Variants in DLL1 observed in about 807,000 individuals in gnomAD.
DLL1 encodes the protein delta-like protein 1.
In DLL1, 9 loss-of-function variants were observed where a neutral mutation model predicts 75.1. The ratio of observed to expected loss-of-function variants is 0.12; its 90% CI spans 0.07 to 0.21. The LOEUF is 0.21. Among genes scored for constraint, DLL1 ranks in the 10% least tolerant of loss-of-function variants. DLL1 has a pLI of 1.00. For missense variants in DLL1, 837 were observed against 1,007.6 expected (o/e 0.83, Z 2.29); for synonymous variants, 477 against 418.3 (o/e 1.14, Z -1.71).
At chr6:170,286,751 C>T (rs1039091818) in intron 4 of DLL1, among the ~76,000 whole-genome samples, 6 of 152,040 alleles carry the variant, frequency 3.9e-5, no homozygotes, top group East Asian at 3.9e-4. Flanking sequence ...GCAACAATGC[C>T]GGCCTCCCCC....
intron 5 of DLL1, 31 bp from the exon 6 acceptor site, chr6:170,285,730 G>C: frequency 6.8e-6 from 11 of 1,613,912 alleles, no homozygotes; most frequent in Non-Finnish European, 9.3e-6. Flanking sequence ...TCAGATGGAC[G>C]TTGACTGTTG....
intron 8 of DLL1, 27 bp from the exon 9 acceptor site, chr6:170,284,056 G>A (rs772284787): frequency 1.3e-4 from 203 of 1,543,066 alleles, no homozygotes; most frequent in Middle Eastern, 2.3e-4. Flanking sequence ...TGAACATCAC[G>A]TGTCTCCTCG....
Position 170,283,022 on chromosome 6 carries a change from G to C in DLL1, c.2132C>G (p.Ser711Cys). 1 of 1,614,128 alleles carries C rather than the reference G, an allele frequency of 6.2e-7. No individual in the cohort carries two copies. Among genetic ancestry groups the C allele is most frequent in the Non-Finnish European group, 8.5e-7 (1 of 1,180,034 alleles). The change falls in exon 10 of 11, where the codon TCC (serine) becomes TGC (cysteine). Residue 711 changes from serine (S) to cysteine (C), a missense_variant. Coordinates refer to ENST00000366756, the MANE Select transcript of DLL1 (RefSeq NM_005618.4). ...TATGACGCACTCATCCTTCTCCTCG[G>C]ATATGACGTACACCGACTGGTACTT... ...DTKYQSVYVISEEKDECVIAT... is the reference protein window; with the variant it reads ...DTKYQSVYVICEEKDECVIAT...
rs1379449472 is a variant in DLL1, at chr6:170,285,763, C to T, written c.732-64G>A. On this transcript the variant is annotated intron_variant, in intron 5 of 10. Transcript: ENST00000366756. The stretch of plus-strand genomic sequence containing the variant: ...TTGCTGGCTTTGCAGTGGACATTCT[C>T]ACCCTAGAAACCATCTTCCCGCAGC... 3 of 1,606,518 alleles carry T rather than the reference C, an allele frequency of 1.9e-6. No individual in the cohort carries two copies. In the African/African-American group the frequency reaches 4.0e-5, roughly 21 times the overall value.
chr6:170,283,165 G>A (rs148877197), intron 9 of DLL1, 60 bp from the exon 10 acceptor site: 32 of 1,613,306 alleles, frequency 2.0e-5, no homozygotes, highest in East Asian at 1.6e-4. Context: ...GAAGAGAAAC[G>A]GAGCAGTGGT....
intron 4 of DLL1, among the ~76,000 whole-genome samples, chr6:170,287,884 C>T (rs1783738429): frequency 6.6e-6 from 1 of 152,208 alleles, no homozygotes; most frequent in Non-Finnish European, 1.5e-5. Flanking sequence ...GACACACAAG[C>T]TCTCTCTGTG....
chr6:170,288,300 G>A lies in DLL1; in HGVS notation c.609C>T (p.Thr203=), dbSNP rs1301852205. The A allele has an allele frequency of 6.2e-7, 1 of 1,614,094 alleles. No individual in the cohort carries two copies. The highest frequency in any genetic ancestry group is 8.5e-7 in the Non-Finnish European group (1 of 1,180,044). ...RPRDDAFGHF[T]CGERGEKVCN... is the part of the protein sequence containing the mutation. ...ACACTTTCTCCCCACGCTCCCCACA[G>A]GTGAAGTGGCCGAAGGCATCGTCCC... Residue 203 remains threonine, a synonymous_variant, in exon 4 of 11, where the codon ACC becomes ACT. Coordinates refer to ENST00000366756, the MANE Select transcript of DLL1 (RefSeq NM_005618.4).
At position 170,285,329 on chromosome 6, in the gene DLL1, C is replaced by T. The variant is rs1427747219; in HGVS notation, c.957G>A (p.Gly319=). ...CCAGCTCGCAGGTGGCACCTGTGTACCCAGGCCGGCAAGAGCAAGTGTAGC... is the reference window on the plus strand; with the variant it reads ...CCAGCTCGCAGGTGGCACCTGTGTATCCAGGCCGGCAAGAGCAAGTGTAGC... ...QGSYTCSCRP[G]YTGATCELGI... Residue 319 remains glycine (G), a synonymous_variant, in exon 7 of 11, where the codon GGG becomes GGA. Transcript: ENST00000366756. The T allele has an allele frequency of 6.2e-7, 1 of 1,614,168 alleles. No individual in the cohort carries two copies. Among genetic ancestry groups the T allele is most frequent in the African/African-American group, 1.3e-5 (1 of 75,044 alleles).
intron 3 of DLL1, 70 bp downstream of exon 3, chr6:170,288,659 G>C: frequency 4.3e-6 from 7 of 1,610,244 alleles, no homozygotes; most frequent in Non-Finnish European, 6.0e-6. Context: ...GTTTGGCTGG[G>C]GGATGGGTGG....
In DLL1 at chr6:170,282,886, G is replaced by A. The variant is rs374745563; in HGVS notation, c.2167-7C>T. The A allele has an allele frequency of 2.3e-5, 37 of 1,614,036 alleles. No homozygotes were observed. The highest frequency in any genetic ancestry group is 1.7e-4 in the Middle Eastern group (1 of 6,058). On this transcript the variant is annotated splice_polypyrimidine_tract_variant and splice_region_variant and intron_variant, in intron 10 of 10. Coordinates refer to ENST00000366756, the MANE Select transcript of DLL1 (RefSeq NM_005618.4). ...TCTCACTTCCATTTTACACCTGGGG[G>A]GCCACAAGACAAATGGGAAGTTAGC...
Position 170,283,724 on chromosome 6 carries a change from G to A in DLL1, c.1555C>T (p.Leu519=), listed in dbSNP as rs1397932579. 26 of 1,553,476 alleles carry A rather than the reference G, an allele frequency of 1.7e-5. No individual in the cohort carries two copies. The highest frequency in any genetic ancestry group is 2.3e-5 in the Non-Finnish European group (26 of 1,149,522). The change falls in exon 9 of 11, where the codon CTG becomes TTG. Residue 519 remains leucine, a synonymous_variant. Coordinates refer to ENST00000366756, the MANE Select transcript of DLL1 (RefSeq NM_005618.4). The part of the protein sequence containing the change: ...RGYGGPNCQF[L]LPELPPGPAV... ...GGGCCCGGGGGCAGCTCGGGGAGCA[G>A]GAACTGGCAGTTGGGACCCCCGTAG...
rs934124387 is a variant in DLL1 at position 170,282,456 on chromosome 6, A to T, written c.*418T>A. ...AATATTTTTACAAATCCAAAAAATA[A>T]CACACATCTTTTCCATCTAGAAAAA... On this transcript the variant is annotated 3_prime_UTR_variant, in exon 11 of 11. Transcript: ENST00000366756. The T allele has an allele frequency of 4.0e-6, 1 of 247,238 alleles. No individual in the cohort carries two copies. Among genetic ancestry groups the T allele is most frequent in the Non-Finnish European group, 7.8e-6 (1 of 127,748 alleles). 15.3% of individuals were successfully genotyped at this position (247,238 alleles called of 1,614,324 possible). A position where few individuals can be genotyped will look rare whatever the true frequency, so the allele number is the denominator to read the frequency against.
Position 170,290,359 on chromosome 6 carries a change from C to G in DLL1, c.-220G>C. 1 of 444,240 alleles carries G rather than the reference C, an allele frequency of 2.3e-6. No individual in the cohort carries two copies. Among genetic ancestry groups the G allele is most frequent in the Non-Finnish European group, 3.9e-6 (1 of 259,178 alleles). The allele number at this position is 444,240 out of a possible 1,614,324, so 27.5% of individuals were successfully genotyped here. On this transcript the variant is annotated 5_prime_UTR_variant, in exon 1 of 11. Transcript: ENST00000366756. This position sits in a 1 kb window ranked among gnomAD's most constrained non-coding sequence, Gnocchi z 4.7. ...TCCGCCCTGCGAGGTCCCGCGGCAG[C>G]CCCAGGGATGCCCGAGGAAAGGCAG... is the stretch of plus-strand genomic sequence containing the variant.
chr6:170,287,947 C>T (rs973367052), intron 4 of DLL1, among the ~76,000 whole-genome samples: 5 of 152,188 alleles, frequency 3.3e-5, no homozygotes, highest in Admixed American at 1.3e-4. Context: ...CTGGGGGTAG[C>T]ACTGGCTTTA....
chr6:170,289,423 G>C, intron 2 of DLL1, 89 bp downstream of exon 2: 3 of 1,507,050 alleles, frequency 2.0e-6, no homozygotes, highest in African/African-American at 1.4e-5. Flanking sequence ...CCGAGGTCCC[G>C]CCACCGAGCG....
rs1314650065 is a variant in DLL1 at position 170,285,436 on chromosome 6, G to A, written c.863-13C>T. On this transcript the variant is annotated splice_polypyrimidine_tract_variant and intron_variant, in intron 6 of 10. Coordinates refer to ENST00000366756, the MANE Select transcript of DLL1 (RefSeq NM_005618.4). Reference sequence around the variant, plus strand: ...CAGTAGTTCAGGTCTGTGAAGGGTGGGGACAGGAAAAGTAGGAGATAGGAA... The same window carrying A: ...CAGTAGTTCAGGTCTGTGAAGGGTGAGGACAGGAAAAGTAGGAGATAGGAA... The A allele has an allele frequency of 1.4e-5, 23 of 1,614,082 alleles. No individual in the cohort carries two copies. The highest frequency in any genetic ancestry group is 1.6e-5 in the Non-Finnish European group (19 of 1,180,048).
Position 170,289,814 on chromosome 6 carries a change from CG to C in DLL1, c.55-7del, listed in dbSNP as rs1583157835. Reference sequence around the variant, plus strand: ...AACACCCCAGAGCTCCAGACCTGCACGGGGGAGGGCGGGGGCGTGAGGACGC... The same window carrying C: ...AACACCCCAGAGCTCCAGACCTGCACGGGGAGGGCGGGGGCGTGAGGACGC... On this transcript the variant is annotated splice_region_variant and splice_polypyrimidine_tract_variant and intron_variant, in intron 1 of 10. Transcript: ENST00000366756. 6.4e-7 allele frequency: 1 copy of C among 1,552,344 alleles called. No individual in the cohort carries two copies. Among genetic ancestry groups the C allele is most frequent in the Admixed American group, 1.9e-5 (1 of 51,336 alleles).
At chr6:170,285,509 G>A (rs1230941927) in intron 6 of DLL1, 60 bp downstream of exon 6, 20 of 1,614,048 alleles carry the variant, frequency 1.2e-5, no homozygotes, top group Admixed American at 3.3e-5. Flanking sequence ...TGATCAAACA[G>A]CCAGGGAAGT....
chr6:170,289,163 C>G (rs1202259661), intron 2 of DLL1: 2 of 596,408 alleles, frequency 3.4e-6, no homozygotes, highest in Non-Finnish European at 3.0e-6. Context: ...CGCGGGTAAT[C>G]GCGCCACCAA....
Sources: gnomAD v4.1 joint callset for allele counts (sites outside exome capture counted in the v4.1 genomes callset) on GRCh38, gnomAD v4.1.1 for gene constraint, Gnocchi (gnomAD v3.1) non-coding constraint, MANE v1.5 for transcripts, NCBI Gene and HGNC (gene_info 2026-07-23, HGNC 2026-07-21) for gene names.